The following FLT1 variants were observed in gnomAD, a reference collection of about 807,000 sequenced individuals.
FLT1 encodes the protein fms related receptor tyrosine kinase 1.
FLT1 carries 49 observed loss-of-function variants against 156.3 expected under a neutral mutation model. The ratio of observed to expected loss-of-function variants is 0.31; its 90% CI spans 0.25 to 0.40. FLT1 has a LOEUF of 0.40. Among genes scored for constraint, FLT1 ranks in the 10% least tolerant of loss-of-function variants. FLT1 has a pLI of 1.00. For missense variants in FLT1, 1,322 were observed against 1,637.2 expected (o/e 0.81, Z 3.32); for synonymous variants, 594 against 583.8 (o/e 1.02, Z -0.25).
chr13:28,321,184 C>T (rs1240725997), intron 23 of FLT1, among the ~76,000 whole-genome samples: 3 of 152,200 alleles, frequency 2.0e-5, no homozygotes, highest in Non-Finnish European at 2.9e-5. Flanking sequence ...CTCACCCAGG[C>T]CCCACCAAAC....
chr13:28,394,435 G>A (rs981507248), intron 12 of FLT1, among the ~76,000 whole-genome samples: 4 of 152,134 alleles, frequency 2.6e-5, no homozygotes, highest in Admixed American at 2.0e-4. Context: ...TGAGAGGTAG[G>A]AGGGAATTTC....
intron 16 of FLT1, 63 bp downstream of exon 16, chr13:28,345,382 C>T (rs1335235528): frequency 5.1e-6 from 5 of 977,478 alleles, no homozygotes; most frequent in South Asian, 2.7e-5. Context: ...CTACTCTAGA[C>T]ATCAGATCGG....
At chr13:28,480,464 A>G (rs1880771418) in intron 1 of FLT1, among the ~76,000 whole-genome samples, 1 of 152,208 alleles carries the variant, frequency 6.6e-6, no homozygotes, top group Admixed American at 6.5e-5. Context: ...GTGTGTTATC[A>G]TGGGGAAGTG....
At chr13:28,316,380 G>T (rs1042833491) in intron 25 of FLT1, among the ~76,000 whole-genome samples, 11 of 152,252 alleles carry the variant, frequency 7.2e-5, no homozygotes, top group African/African-American at 2.4e-4. Flanking sequence ...GGAATGGGAG[G>T]GCCCCTGCCA....
chr13:28,440,643 G>T (rs1878284079), intron 3 of FLT1, among the ~76,000 whole-genome samples: 1 of 152,126 alleles, frequency 6.6e-6, no homozygotes, highest in Non-Finnish European at 1.5e-5. Flanking sequence ...TCGGAGGGAG[G>T]TGGTTCAGAG....
At chr13:28,436,983 T>G (rs1878062358) in intron 4 of FLT1, among the ~76,000 whole-genome samples, 1 of 152,172 alleles carries the variant, frequency 6.6e-6, no homozygotes, top group South Asian at 2.1e-4. Context: ...GCCTCTGCTC[T>G]TAACCACACT....
chr13:28,361,706 C>G (rs924073931), intron 14 of FLT1, among the ~76,000 whole-genome samples: 4 of 152,146 alleles, frequency 2.6e-5, no homozygotes, highest in African/African-American at 7.2e-5. Context: ...AAACACAAAA[C>G]TTTGCTGATT....
chr13:28,385,078 T>C, intron 13 of FLT1, 47 bp from the exon 14 acceptor site: 1 of 1,593,332 alleles, frequency 6.3e-7, no homozygotes, highest in Non-Finnish European at 8.6e-7. Context: ...AACTTTATTC[T>C]TGTATTGTCT....
chr13:28,370,530 G>A (rs1389408865), intron 14 of FLT1, among the ~76,000 whole-genome samples: 2 of 152,284 alleles, frequency 1.3e-5, no homozygotes, highest in Admixed American at 1.3e-4. Flanking sequence ...TAGTTAAAAT[G>A]AATCCTTTGA....
At chr13:28,398,280 T>C (rs1196759600) in intron 11 of FLT1, among the ~76,000 whole-genome samples, 1 of 152,198 alleles carries the variant, frequency 6.6e-6, no homozygotes, top group African/African-American at 2.4e-5. Context: ...TCCAGACTAA[T>C]AGAGTGTCCT....
chr13:28,477,949 T>C (rs1880642609), intron 1 of FLT1, among the ~76,000 whole-genome samples: 2 of 152,208 alleles, frequency 1.3e-5, no homozygotes, highest in Admixed American at 6.5e-5. Flanking sequence ...ACACACTCAA[T>C]GTATGTGAGA....
chr13:28,449,435 G>C (rs1202195528), intron 3 of FLT1, among the ~76,000 whole-genome samples: 1 of 152,104 alleles, frequency 6.6e-6, no homozygotes, highest in East Asian at 1.9e-4. Flanking sequence ...AAGCTATCCT[G>C]ATTATCCAAA....
chr13:28,391,400 C>A lies in FLT1; in HGVS notation c.1661-1296G>T, dbSNP rs117685648. Among the ~76,000 whole-genome samples, 370 of 152,316 alleles carry A rather than the reference C, an allele frequency of 2.4e-3. 4 individuals are homozygous for A. The East Asian group carries it at 0.059, about 24-fold the overall frequency. On this transcript the variant is annotated intron_variant, in intron 12 of 29. Transcript: ENST00000282397. ...TCTGCTCTCTGAGACAAATGCATAC[C>A]TTATTGCCTCCTTTGGAAAGGCTAA...
chr13:28,326,163 T>C (rs192120322), intron 20 of FLT1, among the ~76,000 whole-genome samples: 86 of 152,344 alleles, frequency 5.6e-4, no homozygotes, highest in African/African-American at 1.3e-3. Context: ...TTAACATTTA[T>C]TGAATGTTTG....
intron 14 of FLT1, among the ~76,000 whole-genome samples, chr13:28,372,078 T>A (rs1276156917): frequency 1.2e-3 from 22 of 18,990 alleles, no homozygotes; most frequent in African/African-American, 1.7e-3. Context: ...ATATATATAT[T>A]TTTTTTTTTT....
chr13:28,349,181 T>C (rs911121289), intron 15 of FLT1, among the ~76,000 whole-genome samples: 1 of 152,188 alleles, frequency 6.6e-6, no homozygotes, highest in South Asian at 2.1e-4. Flanking sequence ...GCCTGGCATA[T>C]AGTAGACATC....
intron 13 of FLT1, chr13:28,386,784 A>G: frequency 9.5e-7 from 1 of 1,053,806 alleles, no homozygotes; most frequent in Non-Finnish European, 1.1e-6. Flanking sequence ...CATAAAGAAC[A>G]GTATCATATT....
intron 1 of FLT1, among the ~76,000 whole-genome samples, chr13:28,475,262 T>A (rs1880474693): frequency 6.6e-6 from 1 of 152,228 alleles, no homozygotes; most frequent in African/African-American, 2.4e-5. Flanking sequence ...AAATCTGGTG[T>A]TTCCTTTTAT....
At chr13:28,345,717 C>A in intron 15 of FLT1, 166 bp from the exon 16 acceptor site, 1 of 646,070 alleles carries the variant, frequency 1.5e-6, no homozygotes, top group Non-Finnish European at 2.8e-6. Context: ...CCTTCTAAGC[C>A]AGGCAGTATA....
Sources: allele counts gnomAD v4.1 joint callset (sites outside exome capture counted in the v4.1 genomes callset), GRCh38; gene constraint gnomAD v4.1.1; transcripts MANE v1.5; gene names NCBI Gene and HGNC (gene_info 2026-07-23, HGNC 2026-07-21).